Variants in CNTN6 observed in about 807,000 individuals in gnomAD.
CNTN6 encodes contactin-6.
A neutral mutation model predicts 122.8 loss-of-function variants in CNTN6; 137 were observed. The ratio of observed to expected loss-of-function variants is 1.12; its 90% CI spans 0.97 to 1.29. The LOEUF (loss-of-function observed/expected upper bound fraction) is 1.29, where lower values mean the gene tolerates loss of function less well. Among genes scored for constraint, CNTN6 ranks in the 50% most tolerant of loss-of-function variants. The pLI is 0.00. For missense variants in CNTN6, 1,634 were observed against 1,223.4 expected (o/e 1.34, Z -5.01); for synonymous variants, 570 against 426.0 (o/e 1.34, Z -4.16).
chr3:1,131,539 A>G (rs374480555), intron 1 of CNTN6, among the ~76,000 whole-genome samples: 1 of 152,246 alleles, frequency 6.6e-6, no homozygotes, highest in South Asian at 2.1e-4. Context: ...TAAAGTGTTC[A>G]CTGCTCACTA....
intron 2 of CNTN6, among the ~76,000 whole-genome samples, chr3:1,155,835 T>C (rs1423171656): frequency 2.0e-5 from 3 of 152,242 alleles, no homozygotes; most frequent in African/African-American, 7.2e-5. Flanking sequence ...AGTTTCTCTC[T>C]ATTTTGAGGC....
chr3:1,393,616 C>T (rs1361788721), intron 20 of CNTN6, among the ~76,000 whole-genome samples: 1 of 140,658 alleles, frequency 7.1e-6, no homozygotes, highest in Non-Finnish European at 1.5e-5. Flanking sequence ...CAAGCAAAAT[C>T]AAGAGTGATT....
intron 1 of CNTN6, 44 bp from the exon 2 acceptor site, chr3:1,147,883 G>A (rs989574897): frequency 9.9e-6 from 6 of 605,592 alleles, no homozygotes; most frequent in African/African-American, 7.3e-5. Flanking sequence ...TAAAATATTC[G>A]TGTTTGTACG....
intron 2 of CNTN6, among the ~76,000 whole-genome samples, chr3:1,157,397 A>T (rs1036277894): frequency 1.3e-5 from 2 of 151,770 alleles, no homozygotes; most frequent in Non-Finnish European, 1.5e-5. Flanking sequence ...TTGTATATTT[A>T]GTAGAGACGG....
chr3:1,288,865 G>A (rs1376934161), intron 5 of CNTN6, among the ~76,000 whole-genome samples: 1 of 152,158 alleles, frequency 6.6e-6, no homozygotes, highest in Non-Finnish European at 1.5e-5. Context: ...TTGTATGCTT[G>A]AGAGAGCAGC....
intron 4 of CNTN6, among the ~76,000 whole-genome samples, chr3:1,238,773 TCAACTC>T (rs1007085225): frequency 1.4e-4 from 21 of 152,160 alleles, no homozygotes; most frequent in African/African-American, 4.8e-4. Flanking sequence ...AAATTGGAAA[TCAACTC>T]CAAAAGGATC....
chr3:1,348,783 T>C (rs1705168188), intron 11 of CNTN6, among the ~76,000 whole-genome samples: 1 of 151,964 alleles, frequency 6.6e-6, no homozygotes, highest in African/African-American at 2.4e-5. Flanking sequence ...TTATTGCTTC[T>C]CTTTATGCCT....
At chr3:1,203,871 T>G (rs2093920493) in intron 2 of CNTN6, among the ~76,000 whole-genome samples, 1 of 152,184 alleles carries the variant, frequency 6.6e-6, no homozygotes, top group African/African-American at 2.4e-5. Flanking sequence ...ACCTTTTCTA[T>G]GTATAGATAT....
At chr3:1,217,636 A>G (rs2125506679) in intron 2 of CNTN6, among the ~76,000 whole-genome samples, 1 of 152,348 alleles carries the variant, frequency 6.6e-6, no homozygotes, top group East Asian at 1.9e-4. Context: ...TCTGCATAGT[A>G]ACAAGGCAAA....
chr3:1,306,307 C>T (rs1361239677), intron 7 of CNTN6, among the ~76,000 whole-genome samples: 2 of 151,982 alleles, frequency 1.3e-5, no homozygotes, highest in Non-Finnish European at 2.9e-5. Flanking sequence ...TTTTTTTTAA[C>T]ATGACGTGGT....
At chr3:1,285,507 T>C (rs570260928) in intron 5 of CNTN6, among the ~76,000 whole-genome samples, 2 of 152,326 alleles carry the variant, frequency 1.3e-5, no homozygotes, top group South Asian at 4.1e-4. Context: ...ATATAAGTAA[T>C]ATTTAATACT....
At chr3:1,280,068 A>G (rs1693101632) in intron 5 of CNTN6, among the ~76,000 whole-genome samples, 1 of 152,200 alleles carries the variant, frequency 6.6e-6, no homozygotes. Flanking sequence ...AATATGCAAA[A>G]TGGTATCAGT....
In CNTN6 at chr3:1,388,041, C is replaced by G. The variant is rs527671443; in HGVS notation, c.2704+2244C>G. ...GGTAAACAAAGCAGCCAGGAAGCTCCAACTGGGTGGAGCCCACCACAGCTC... is the reference window on the plus strand; with the variant it reads ...GGTAAACAAAGCAGCCAGGAAGCTCGAACTGGGTGGAGCCCACCACAGCTC... On this transcript the variant is annotated intron_variant, in intron 20 of 22. Transcript: ENST00000446702. 1.9e-3 allele frequency among the ~76,000 whole-genome samples: 280 copies of G among 151,196 alleles called. 3 individuals are homozygous for G. The highest frequency in any genetic ancestry group is 9.3e-3 in the East Asian group (48 of 5,162).
chr3:1,153,905 G>A (rs1367843552), intron 2 of CNTN6, among the ~76,000 whole-genome samples: 1 of 152,220 alleles, frequency 6.6e-6, no homozygotes, highest in African/African-American at 2.4e-5. Context: ...GGGTCAGAGT[G>A]TGAATGAATA....
chr3:1,188,010 C>G (rs978046423), intron 2 of CNTN6, among the ~76,000 whole-genome samples: 1 of 152,142 alleles, frequency 6.6e-6, no homozygotes, highest in Non-Finnish European at 1.5e-5. Flanking sequence ...TCTGCACACC[C>G]GCTACCCCTG....
At chr3:1,349,120 T>C (rs913640453) in intron 11 of CNTN6, among the ~76,000 whole-genome samples, 2 of 152,010 alleles carry the variant, frequency 1.3e-5, no homozygotes, top group Non-Finnish European at 2.9e-5. Context: ...GTATTTAAAC[T>C]GCTGTTGAAT....
chr3:1,358,400 C>T (rs1251579627), intron 12 of CNTN6, among the ~76,000 whole-genome samples: 1 of 150,996 alleles, frequency 6.6e-6, no homozygotes, highest in Admixed American at 6.6e-5. Flanking sequence ...TTAGGCTACT[C>T]TTCTTCTTAG....
At chr3:1,289,706 G>C (rs1211230016) in intron 5 of CNTN6, among the ~76,000 whole-genome samples, 1 of 137,812 alleles carries the variant, frequency 7.3e-6, no homozygotes, top group Non-Finnish European at 1.5e-5. Flanking sequence ...ACAGAGTCTC[G>C]CTCTGTGGCC....
chr3:1,214,384 C>G (rs1336225399), intron 2 of CNTN6, among the ~76,000 whole-genome samples: 1 of 136,764 alleles, frequency 7.3e-6, no homozygotes, highest in East Asian at 2.4e-4. Flanking sequence ...TCTCAGCTCA[C>G]TGCAACCTCT....
Sources: gnomAD v4.1 joint callset for allele counts (sites outside exome capture counted in the v4.1 genomes callset) on GRCh38, gnomAD v4.1.1 for gene constraint, MANE v1.5 for transcripts, NCBI Gene and HGNC (gene_info 2026-07-23, HGNC 2026-07-21) for gene names.